Variants in LDHAL6A observed in about 807,000 individuals in gnomAD.
The protein encoded by LDHAL6A is lactate dehydrogenase A like 6A.
A neutral mutation model predicts 28.2 loss-of-function variants in LDHAL6A; 19 were observed. The observed-to-expected ratio is 0.67, with a 90% CI of 0.47 to 0.99. The LOEUF (loss-of-function observed/expected upper bound fraction) is 0.99, where lower values mean the gene tolerates loss of function less well. Among genes scored for constraint, LDHAL6A ranks in the 50% least tolerant of loss-of-function variants. The pLI is 0.00. For missense variants in LDHAL6A, 372 were observed against 398.6 expected, an observed-to-expected ratio of 0.93 and a Z score of 0.57; for synonymous variants, 144 against 134.4, an observed-to-expected ratio of 1.07 and a Z score of -0.49.
chr11:18,469,104 C>T (rs953799544), intron 3 of LDHAL6A: 6 of 484,132 alleles, frequency 1.2e-5, no homozygotes, highest in African/African-American at 1.0e-4. Context: ...CCTGAAATGT[C>T]ACGGTGTCAT....
chr11:18,476,538 G>T, intron 5 of LDHAL6A, 37 bp downstream of exon 5: 1 of 1,605,162 alleles, frequency 6.2e-7, no homozygotes, highest in Non-Finnish European at 8.5e-7. Flanking sequence ...TACCTTAGAA[G>T]TTGTGAGCCT....
chr11:18,467,912 T>TACAC (rs1565070946), intron 3 of LDHAL6A, among the ~76,000 whole-genome samples: 1 of 67,782 alleles, frequency 1.5e-5, no homozygotes, highest in Non-Finnish European at 2.5e-5. Flanking sequence ...TATATATATA[T>TACAC]ATATATACAC....
intron 3 of LDHAL6A, among the ~76,000 whole-genome samples, chr11:18,467,855 C>CAA (rs1173572966): frequency 0.03 from 1,813 of 59,740 alleles, 258 homozygotes; most frequent in East Asian, 0.084. Context: ...AAGACTGTCT[C>CAA]AAAAAAAATA....
chr11:18,459,841 A>G (rs1848851184), intron 1 of LDHAL6A, among the ~76,000 whole-genome samples: 1 of 152,120 alleles, frequency 6.6e-6, no homozygotes, highest in South Asian at 2.1e-4. Flanking sequence ...ATGACTGAGC[A>G]TTCTGAGGAG....
At chr11:18,471,693 G>A (rs1849260570) in intron 3 of LDHAL6A, among the ~76,000 whole-genome samples, 1 of 150,844 alleles carries the variant, frequency 6.6e-6, no homozygotes, top group African/African-American at 2.4e-5. Flanking sequence ...GGGAGGCTGA[G>A]GCGGGAGGAT....
chr11:18,471,153 A>AC (rs1255600617), intron 3 of LDHAL6A, among the ~76,000 whole-genome samples: 1 of 151,884 alleles, frequency 6.6e-6, no homozygotes, highest in Non-Finnish European at 1.5e-5. Context: ...AATTTATCTT[A>AC]CCTAAGTGCA....
chr11:18,464,629 C>T (rs950813213), intron 2 of LDHAL6A, among the ~76,000 whole-genome samples: 1 of 151,638 alleles, frequency 6.6e-6, no homozygotes, highest in Non-Finnish European at 1.5e-5. Context: ...GCAGGAGAAT[C>T]GCTTGAACCT....
At chr11:18,456,872 T>C in intron 1 of LDHAL6A, 66 bp downstream of exon 1, 1 of 1,529,376 alleles carries the variant, frequency 6.5e-7, no homozygotes, top group Non-Finnish European at 8.8e-7. Context: ...CGTATGGTTG[T>C]GGAGGTTGTG....
At chr11:18,470,746 G>A (rs573642039) in intron 3 of LDHAL6A, among the ~76,000 whole-genome samples, 2 of 151,806 alleles carry the variant, frequency 1.3e-5, no homozygotes, top group East Asian at 3.9e-4. Flanking sequence ...GAGTGCAGTG[G>A]CGTGATCTCG....
At chr11:18,461,834 C>CA (rs1848914701) in intron 1 of LDHAL6A, among the ~76,000 whole-genome samples, 1 of 143,698 alleles carries the variant, frequency 7.0e-6, no homozygotes, top group African/African-American at 2.6e-5. Context: ...GCCTGGGCAA[C>CA]GAGCAAGATT....
chr11:18,474,481 G>A (rs143048898), intron 3 of LDHAL6A, among the ~76,000 whole-genome samples: 1,878 of 151,912 alleles, frequency 0.012, 34 homozygotes, highest in African/African-American at 0.042. Flanking sequence ...CCACCTCCCG[G>A]GTTCAAGCAA....
At position 18,475,651 on chromosome 11, in the gene LDHAL6A, G is replaced by A. The variant is rs763800236; in HGVS notation, c.592+12G>A. ...TGGCGACTCAAGTGGTAAGCCTGAGGCACGATTGAGCCTCTGAAATATCTA... is the reference window on the plus strand; with the variant it reads ...TGGCGACTCAAGTGGTAAGCCTGAGACACGATTGAGCCTCTGAAATATCTA... On this transcript the variant is annotated intron_variant, in intron 4 of 6. Transcript: ENST00000280706. 24 of 1,603,772 alleles carry A rather than the reference G, an allele frequency of 1.5e-5. No homozygotes were observed. The highest frequency in any genetic ancestry group is 1.4e-4 in the Admixed American group (8 of 58,000).
rs144369431 is a variant in LDHAL6A at position 18,461,253 on chromosome 11, A to G, written c.127-2708A>G. ...TCTGCCTCCTGGGTTCAAGCGATTCATCTGCCTCAGCTTCCCGAGTAGCTG... is the reference window on the plus strand; with the variant it reads ...TCTGCCTCCTGGGTTCAAGCGATTCGTCTGCCTCAGCTTCCCGAGTAGCTG... On this transcript the variant is annotated intron_variant, in intron 1 of 6. Transcript: ENST00000280706. 6.5e-3 allele frequency among the ~76,000 whole-genome samples: 985 copies of G among 150,916 alleles called. 9 individuals carry two copies. The highest frequency in any genetic ancestry group is 0.022 in the African/African-American group (899 of 41,024).
At chr11:18,460,871 C>CT (rs1271105872) in intron 1 of LDHAL6A, among the ~76,000 whole-genome samples, 1 of 152,184 alleles carries the variant, frequency 6.6e-6, no homozygotes, top group African/African-American at 2.4e-5. Flanking sequence ...GAGTCTCACT[C>CT]TGTTGCACAG....
At chr11:18,469,321 AAGG>A (rs1417229261) in intron 3 of LDHAL6A, 1 of 466,524 alleles carries the variant, frequency 2.1e-6, no homozygotes, top group African/African-American at 2.0e-5. Context: ...CCGCGTCATT[AAGG>A]TTATATGATA....
intron 3 of LDHAL6A, among the ~76,000 whole-genome samples, chr11:18,471,082 T>C (rs1849246443): frequency 1.3e-5 from 2 of 152,202 alleles, no homozygotes; most frequent in South Asian, 4.1e-4. Context: ...CTGATATGAA[T>C]GTGAAATTTT....
chr11:18,458,438 C>G (rs1848814070), intron 1 of LDHAL6A, among the ~76,000 whole-genome samples: 1 of 152,198 alleles, frequency 6.6e-6, no homozygotes, highest in Non-Finnish European at 1.5e-5. Context: ...TGAAGCAGAG[C>G]CTTCCCAGTC....
At chr11:18,464,715 CAAAAAA>C (rs11367641) in intron 2 of LDHAL6A, among the ~76,000 whole-genome samples, 25 of 123,152 alleles carry the variant, frequency 2.0e-4, no homozygotes, top group Non-Finnish European at 3.2e-4. Flanking sequence ...AACTCTGTCT[CAAAAAA>C]AAAAAAAAAA....
At chr11:18,462,508 G>A (rs1161898185) in intron 1 of LDHAL6A, among the ~76,000 whole-genome samples, 1 of 151,888 alleles carries the variant, frequency 6.6e-6, no homozygotes, top group Non-Finnish European at 1.5e-5. Flanking sequence ...GTGGTGGCGG[G>A]CGCCTGTAGT....
Sources: allele counts gnomAD v4.1 joint callset (sites outside exome capture counted in the v4.1 genomes callset), GRCh38; gene constraint gnomAD v4.1.1; transcripts MANE v1.5; gene names NCBI Gene and HGNC (gene_info 2026-07-23, HGNC 2026-07-21).